ADARB1: variants seen among roughly 807,000 people sequenced by gnomAD.
ADARB1 encodes adenosine deaminase RNA specific B1.
In ADARB1, 10 loss-of-function variants were observed where a neutral mutation model predicts 52.4. That is an observed-to-expected ratio of 0.19 (90% confidence interval 0.12 to 0.32). The LOEUF (loss-of-function observed/expected upper bound fraction) is 0.32. Ranked by LOEUF, ADARB1 falls within the 10% of genes least tolerant of loss-of-function variation. The pLI is 1.00. For missense variants in ADARB1, 643 were observed against 922.3 expected (o/e 0.70, Z 3.92); for synonymous variants, 349 against 371.1 (o/e 0.94, Z 0.68).
intron 9 of ADARB1, among the ~76,000 whole-genome samples, chr21:45,215,536 A>G (rs2092846510): frequency 6.6e-6 from 1 of 152,164 alleles, no homozygotes; most frequent in African/African-American, 2.4e-5. Flanking sequence ...CTAAGGCAGG[A>G]GGATCACTTG....
chr21:45,221,931 T>C lies in ADARB1; in HGVS notation c.1927-87T>C. The C allele has an allele frequency of 6.9e-7, 1 of 1,445,144 alleles. No homozygotes were observed. The highest frequency in any genetic ancestry group is 9.5e-7 in the Non-Finnish European group (1 of 1,054,426). The allele number at this position is 1,445,144 out of a possible 1,614,324, so 89.5% of individuals were successfully genotyped here. A position where few individuals can be genotyped will look rare whatever the true frequency, so the allele number is the denominator to read the frequency against. ...TTCCCCCCAGAAGCCAATGCAGTTCTGAAGGCCATGTTTTGGTATCTTATT... is the reference window on the plus strand; with the variant it reads ...TTCCCCCCAGAAGCCAATGCAGTTCCGAAGGCCATGTTTTGGTATCTTATT... On this transcript the variant is annotated intron_variant, in intron 10 of 10. Transcript: ENST00000348831. The surrounding 1 kb of genome is among the most constrained non-coding windows in gnomAD (Gnocchi z 4.9).
At chr21:45,140,237 T>C (rs950918210) in intron 2 of ADARB1, among the ~76,000 whole-genome samples, 1 of 152,164 alleles carries the variant, frequency 6.6e-6, no homozygotes, top group African/African-American at 2.4e-5. Flanking sequence ...CACTCTAATA[T>C]ATTCTGACAA....
At chr21:45,110,161 A>AAAAT (rs1166096425) in intron 1 of ADARB1, among the ~76,000 whole-genome samples, 1 of 152,222 alleles carries the variant, frequency 6.6e-6, no homozygotes, top group African/African-American at 2.4e-5. Context: ...TTTTGAGAAG[A>AAAAT]AAATGTGAGA....
At chr21:45,125,423 A>G (rs1221556142) in intron 1 of ADARB1, among the ~76,000 whole-genome samples, 1 of 152,216 alleles carries the variant, frequency 6.6e-6, no homozygotes, top group Non-Finnish European at 1.5e-5. Context: ...CTGACTAGAC[A>G]TCCTTCTCTG....
In ADARB1 at chr21:45,095,778, A is replaced by T. The variant is rs538030471; in HGVS notation, c.-220+20985A>T. Reference sequence around the variant, plus strand: ...TTGGCTGGAAGAGTATTACACGGCTACCTCTGGTTGCCCAGATGCCTGGGG... The same window carrying T: ...TTGGCTGGAAGAGTATTACACGGCTTCCTCTGGTTGCCCAGATGCCTGGGG... On this transcript the variant is annotated intron_variant, in intron 1 of 10. Coordinates refer to ENST00000348831, the MANE Select transcript of ADARB1 (RefSeq NM_001112.4). Among the ~76,000 whole-genome samples, 46 of 152,226 alleles carry T rather than the reference A, an allele frequency of 3.0e-4. No homozygotes were observed. In the Middle Eastern group the frequency reaches 0.017, roughly 56 times the overall value.
In ADARB1 at chr21:45,221,031, A is replaced by C; in HGVS notation, c.1926+17A>C. ...CACGGCAAGGTACTGAGGCGCCCTC[A>C]CCGCAATGCGCCGGCTCCACCTCCC... On this transcript the variant is annotated intron_variant, in intron 10 of 10. Transcript: ENST00000348831. This position sits in a 1 kb window ranked among gnomAD's most constrained non-coding sequence, Gnocchi z 4.9. 1 of 1,592,096 alleles carries C rather than the reference A, an allele frequency of 6.3e-7. No homozygotes were observed. The highest frequency in any genetic ancestry group is 1.1e-5 in the South Asian group (1 of 90,378).
chr21:45,173,306 A>G (rs1385608216), intron 3 of ADARB1, among the ~76,000 whole-genome samples: 1 of 152,234 alleles, frequency 6.6e-6, no homozygotes, highest in Non-Finnish European at 1.5e-5. Context: ...TATGAAGTGT[A>G]GTAGCATGAT....
intron 2 of ADARB1, among the ~76,000 whole-genome samples, chr21:45,150,555 C>T (rs188071874): frequency 2.0e-5 from 3 of 152,262 alleles, no homozygotes; most frequent in Admixed American, 2.0e-4. Flanking sequence ...ATTGATAATT[C>T]TGATGTCTGA....
At chr21:45,098,703 G>C (rs778282174) in intron 1 of ADARB1, among the ~76,000 whole-genome samples, 22 of 152,234 alleles carry the variant, frequency 1.4e-4, no homozygotes, top group Non-Finnish European at 1.9e-4. Flanking sequence ...GTGGCAGTGT[G>C]GGGGATGGCG....
chr21:45,164,412 C>T (rs112774150), intron 2 of ADARB1, among the ~76,000 whole-genome samples: 1,524 of 151,766 alleles, frequency 0.01, 32 homozygotes, highest in African/African-American at 0.035. Context: ...GCATGGCGCC[C>T]GGGGTGGAGG....
In ADARB1 at chr21:45,200,200, G is replaced by A. The variant is rs2092519410; in HGVS notation, c.1566-4355G>A. On this transcript the variant is annotated intron_variant, in intron 8 of 10. Coordinates refer to ENST00000348831, the MANE Select transcript of ADARB1 (RefSeq NM_001112.4). This position sits in a 1 kb window ranked among gnomAD's most constrained non-coding sequence, Gnocchi z 5.0. ...TACACAGGACACAGTGACAGGCAGA[G>A]GGCCCAGGGCCATGGTAGGTTGGGG... Among the ~76,000 whole-genome samples the A allele has an allele frequency of 6.6e-6, 1 of 152,184 alleles. No individual in the cohort carries two copies. Among genetic ancestry groups the A allele is most frequent in the Admixed American group, 6.5e-5 (1 of 15,286 alleles).
intron 1 of ADARB1, among the ~76,000 whole-genome samples, chr21:45,121,344 T>A (rs1168107334): frequency 1.3e-5 from 2 of 152,224 alleles, no homozygotes; most frequent in Non-Finnish European, 2.9e-5. Flanking sequence ...ACATCTTTAT[T>A]CTTATTGTGG....
At chr21:45,147,682 G>C (rs2090073729) in intron 2 of ADARB1, among the ~76,000 whole-genome samples, 1 of 152,226 alleles carries the variant, frequency 6.6e-6, no homozygotes, top group African/African-American at 2.4e-5. Flanking sequence ...CTGCAGCCGG[G>C]CTGGCCCCAG....
intron 9 of ADARB1, among the ~76,000 whole-genome samples, chr21:45,217,690 G>T (rs1203558962): frequency 6.6e-6 from 1 of 151,856 alleles, no homozygotes; most frequent in East Asian, 1.9e-4. Flanking sequence ...TTCCATTTTG[G>T]TATCATTTTT....
intron 9 of ADARB1, among the ~76,000 whole-genome samples, chr21:45,210,077 G>T (rs1341314832): frequency 1.3e-5 from 2 of 152,324 alleles, no homozygotes; most frequent in East Asian, 3.9e-4. Flanking sequence ...ACACGGCTCC[G>T]TCTCTTGCTC....
At chr21:45,132,516 T>G (rs1222354773) in intron 2 of ADARB1, among the ~76,000 whole-genome samples, 2 of 152,184 alleles carry the variant, frequency 1.3e-5, no homozygotes, top group Non-Finnish European at 2.9e-5. Context: ...CTCACAATTT[T>G]CTGGGCCCCC....
intron 1 of ADARB1, among the ~76,000 whole-genome samples, chr21:45,094,887 G>A (rs1304155606): frequency 6.6e-6 from 1 of 152,160 alleles, no homozygotes; most frequent in African/African-American, 2.4e-5. Context: ...GAGGGGCCTG[G>A]ACGCTCACTG....
At chr21:45,099,332 A>T (rs1004123202) in intron 1 of ADARB1, among the ~76,000 whole-genome samples, 2 of 152,170 alleles carry the variant, frequency 1.3e-5, no homozygotes, top group African/African-American at 4.8e-5. Flanking sequence ...CTGTTAAATT[A>T]GGGTCTTCGG....
chr21:45,169,183 G>A (rs1218812029), intron 2 of ADARB1, among the ~76,000 whole-genome samples: 1 of 152,230 alleles, frequency 6.6e-6, no homozygotes, highest in African/African-American at 2.4e-5. Flanking sequence ...CTGTGGCGTG[G>A]GAAGGGAAGG....
Sources: gnomAD v4.1 joint callset for allele counts (sites outside exome capture counted in the v4.1 genomes callset) on GRCh38, gnomAD v4.1.1 for gene constraint, Gnocchi (gnomAD v3.1) non-coding constraint, MANE v1.5 for transcripts, NCBI Gene and HGNC (gene_info 2026-07-23, HGNC 2026-07-21) for gene names.